The following VMA22 variants were observed in gnomAD, a reference collection of about 807,000 sequenced individuals.
The protein encoded by VMA22 is vacuolar ATPase assembly protein VMA22.
the VMA22 span, chr2:130,339,502 C>T: frequency 1.5e-6 from 2 of 1,337,798 alleles, no homozygotes; most frequent in Admixed American, 5.9e-5. Flanking sequence ...ATAGTAATAC[C>T]ATTTCATGCC....
the VMA22 span, chr2:130,341,023 C>T: frequency 1.9e-6 from 3 of 1,610,500 alleles, no homozygotes; most frequent in Non-Finnish European, 2.5e-6. Flanking sequence ...TAGTGGGGCC[C>T]TTGCGCCTCC....
the VMA22 span, chr2:130,342,592 A>G: frequency 2.2e-6 from 1 of 461,852 alleles, no homozygotes; most frequent in South Asian, 3.5e-5. Context: ...TGATTGTTTT[A>G]GCGGTTCGTC....
At chr2:130,339,128 C>T in the VMA22 span, 1 of 1,613,536 alleles carries the variant, frequency 6.2e-7, no homozygotes. Flanking sequence ...TGTCAGGCAG[C>T]CCCAGGCTCC....
chr2:130,340,677 G>GT, the VMA22 span: 2 of 563,670 alleles, frequency 3.5e-6, no homozygotes, highest in African/African-American at 3.8e-5. Flanking sequence ...CATGAAAAGT[G>GT]TTTGTCTCTT....
the VMA22 span, chr2:130,341,580 G>A: frequency 1.7e-5 from 20 of 1,195,478 alleles, no homozygotes; most frequent in South Asian, 2.6e-4. Context: ...CTCTCTTATC[G>A]CAAAAACCTA....
the VMA22 span, chr2:130,339,769 C>A: frequency 7.7e-7 from 1 of 1,303,650 alleles, no homozygotes; most frequent in Non-Finnish European, 1.0e-6. Flanking sequence ...ACACCTGCCC[C>A]CAGGTGTTGC....
At chr2:130,342,288 C>T in the VMA22 span, 3 of 1,386,064 alleles carry the variant, frequency 2.2e-6, no homozygotes, top group Non-Finnish European at 2.0e-6. Flanking sequence ...TAAGGGCAAG[C>T]GCCCTTAGAG....
At chr2:130,342,545 C>A in the VMA22 span, 1 of 457,516 alleles carries the variant, frequency 2.2e-6, no homozygotes, top group Non-Finnish European at 3.9e-6. Flanking sequence ...AGTCGGTGTG[C>A]GGTTTTTACA....
chr2:130,342,340 G>GC, the VMA22 span: 1 of 823,594 alleles, frequency 1.2e-6, no homozygotes, highest in Non-Finnish European at 1.9e-6. Flanking sequence ...TCTCCAATTA[G>GC]CCCCCAAGTG....
At chr2:130,341,688 C>T in the VMA22 span, 5 of 1,611,670 alleles carry the variant, frequency 3.1e-6, no homozygotes, top group Non-Finnish European at 4.2e-6. Flanking sequence ...GGCCCCACCT[C>T]CTCTGGGGCG....
chr2:130,338,567 T>C, the VMA22 span: 1 of 152,400 alleles, frequency 6.6e-6, no homozygotes, highest in Non-Finnish European at 1.5e-5. Flanking sequence ...TTTAAAAACC[T>C]AGGCCTCTTC....
chr2:130,339,886 G>A, the VMA22 span: 1,282 of 1,189,242 alleles, frequency 1.1e-3, 1 homozygote, highest in Admixed American at 1.3e-3. Context: ...ACCAGTGTTT[G>A]TGTCAAAAAC....
At chr2:130,342,183 GGACAGCC>G in the VMA22 span, 1 of 1,593,700 alleles carries the variant, frequency 6.3e-7, no homozygotes. Flanking sequence ...CAGTTTGGCA[GGACAGCC>G]AATAGGCACA....
the VMA22 span, chr2:130,339,383 G>A: frequency 7.3e-7 from 1 of 1,376,362 alleles, no homozygotes; most frequent in Non-Finnish European, 9.6e-7. Flanking sequence ...TGCATTGGCT[G>A]CTCCAGAACC....
At chr2:130,340,573 C>T in the VMA22 span, 18 of 355,294 alleles carry the variant, frequency 5.1e-5, no homozygotes, top group South Asian at 4.0e-4. Flanking sequence ...TCCTGTCCCA[C>T]TCCATTATGT....
chr2:130,340,649 G>A, the VMA22 span: 10 of 502,076 alleles, frequency 2.0e-5, no homozygotes, highest in Non-Finnish European at 3.6e-5. Flanking sequence ...CGTTGCCTTT[G>A]TCTGCTTCTA....
chr2:130,339,167 G>C, the VMA22 span: 1 of 1,614,114 alleles, frequency 6.2e-7, no homozygotes, highest in Non-Finnish European at 8.5e-7. Flanking sequence ...TGGAGTCCCC[G>C]GAGCTGGCTT....
the VMA22 span, chr2:130,341,929 C>T: frequency 6.2e-7 from 1 of 1,613,478 alleles, no homozygotes; most frequent in Admixed American, 1.7e-5. Context: ...CGAGCCTTGG[C>T]GAGCGAGAGC....
At chr2:130,339,576 T>A in the VMA22 span, 1 of 1,288,878 alleles carries the variant, frequency 7.8e-7, no homozygotes, top group African/African-American at 1.5e-5. Context: ...TCCCTCCACT[T>A]CTTTTCTCTG....
Sources: gnomAD v4.1 joint callset for allele counts on GRCh38, gnomAD v4.1.1 for gene constraint, MANE v1.5 for transcripts, NCBI Gene and HGNC (gene_info 2026-07-23, HGNC 2026-07-21) for gene names.